Variants in PDS5B observed in about 807,000 individuals in gnomAD.
PDS5B encodes sister chromatid cohesion protein PDS5 homolog B.
PDS5B carries 51 observed loss-of-function variants against 184.1 expected under a neutral mutation model. That is an observed-to-expected ratio of 0.28 (90% CI 0.22 to 0.35). The LOEUF (loss-of-function observed/expected upper bound fraction) is 0.35, where lower values mean the gene tolerates loss of function less well. PDS5B is among the 10% of genes least tolerant of loss of function. The pLI, the probability that PDS5B is intolerant of heterozygous loss-of-function variation, is 1.00. For missense variants in PDS5B, 1,180 were observed against 1,723.3 expected, an observed-to-expected ratio of 0.68 and a Z score of 5.58; for synonymous variants, 566 against 569.2, an observed-to-expected ratio of 0.99 and a Z score of 0.08.
At chr13:32,722,299 C>G (rs1041675163) in intron 19 of PDS5B, among the ~76,000 whole-genome samples, 7 of 152,328 alleles carry the variant, frequency 4.6e-5, no homozygotes, top group African/African-American at 1.7e-4. Flanking sequence ...GAGCCGAGAT[C>G]GCGGCAGTAC....
At chr13:32,722,938 T>G (rs770006235) in intron 19 of PDS5B, among the ~76,000 whole-genome samples, 4 of 152,230 alleles carry the variant, frequency 2.6e-5, no homozygotes, top group Non-Finnish European at 4.4e-5. Flanking sequence ...AACCAGCTCT[T>G]TGCAGATTTA....
intron 31 of PDS5B, among the ~76,000 whole-genome samples, chr13:32,765,235 C>A (rs1954546558): frequency 6.6e-6 from 1 of 152,144 alleles, no homozygotes; most frequent in Non-Finnish European, 1.5e-5. Flanking sequence ...AGCTTCAGAT[C>A]ATTTCCTTAA....
At chr13:32,710,238 GT>G in intron 19 of PDS5B, 132 bp downstream of exon 19, 1 of 547,576 alleles carries the variant, frequency 1.8e-6, no homozygotes, top group Non-Finnish European at 2.9e-6. Flanking sequence ...GTAATGTTCA[GT>G]TTAGATTCTC....
chr13:32,704,747 CT>C (rs1951958621), intron 17 of PDS5B, among the ~76,000 whole-genome samples: 1 of 152,172 alleles, frequency 6.6e-6, no homozygotes, highest in Non-Finnish European at 1.5e-5. Flanking sequence ...TTCCTAAGCA[CT>C]AATTAATTCT....
rs1038364995 is a variant in PDS5B, at chr13:32,699,669, C to T, written c.1601-61C>T. 2 of 887,864 alleles carry T rather than the reference C, an allele frequency of 2.3e-6. 1 individual carries two copies. 55.0% of individuals were successfully genotyped at this position (887,864 alleles called of 1,614,324 possible). On this transcript the variant is annotated intron_variant, in intron 15 of 34. Transcript: ENST00000315596. ...CAATAAAAGGAATGAAAAATATTGA[C>T]CTATTATTATTTTAAGAATTAAAAA...
chr13:32,686,313 C>T lies in PDS5B; in HGVS notation c.1204-821C>T, dbSNP rs542486583. 1.6e-4 allele frequency among the ~76,000 whole-genome samples: 25 copies of T among 152,216 alleles called. No individual in the cohort carries two copies. In the Middle Eastern group the frequency reaches 0.014, roughly 83 times the overall value. Reference sequence around the variant, plus strand: ...CTCAGTCCCAGATGTACAGAATGGACCACTGATAAGTATTTTTACATTCAG... The same window carrying T: ...CTCAGTCCCAGATGTACAGAATGGATCACTGATAAGTATTTTTACATTCAG... On this transcript the variant is annotated intron_variant, in intron 11 of 34. Transcript: ENST00000315596.
At chr13:32,640,147 G>A (rs1363372653) in intron 1 of PDS5B, among the ~76,000 whole-genome samples, 1 of 151,866 alleles carries the variant, frequency 6.6e-6, no homozygotes, top group African/African-American at 2.4e-5. Context: ...CCATTTCATT[G>A]ATTTTTCTTG....
At chr13:32,619,660 C>T (rs2058267740) in intron 1 of PDS5B, among the ~76,000 whole-genome samples, 1 of 152,066 alleles carries the variant, frequency 6.6e-6, no homozygotes, top group African/African-American at 2.4e-5. Flanking sequence ...TTTATGATGT[C>T]ACAAGATGAT....
chr13:32,672,251 G>A (rs1950957031), intron 7 of PDS5B, among the ~76,000 whole-genome samples: 1 of 152,178 alleles, frequency 6.6e-6, no homozygotes, highest in African/African-American at 2.4e-5. Flanking sequence ...TAAGAAGGCT[G>A]TATCTATGGG....
At chr13:32,702,186 CT>C (rs1314840713) in intron 17 of PDS5B, among the ~76,000 whole-genome samples, 1 of 151,952 alleles carries the variant, frequency 6.6e-6, no homozygotes, top group East Asian at 1.9e-4. Context: ...TGCTCAAACC[CT>C]GTTGGAGATG....
chr13:32,658,364 T>G (rs774466786), intron 4 of PDS5B, 39 bp downstream of exon 4: 9 of 1,410,734 alleles, frequency 6.4e-6, no homozygotes, highest in Non-Finnish European at 8.9e-6. Context: ...CATTTTAAAC[T>G]GATTTTTTTG....
At chr13:32,678,548 T>C (rs8002867) in intron 9 of PDS5B, among the ~76,000 whole-genome samples, 311 of 152,340 alleles carry the variant, frequency 2.0e-3, no homozygotes, top group African/African-American at 7.3e-3. Context: ...ATAACGTTGA[T>C]AGGAACTTTT....
intron 1 of PDS5B, among the ~76,000 whole-genome samples, chr13:32,611,903 T>C (rs2058148680): frequency 6.6e-6 from 1 of 152,142 alleles, no homozygotes. Flanking sequence ...CTGTCTCTGC[T>C]TCCCTCTCCA....
At chr13:32,603,789 A>C (rs1052757807) in intron 1 of PDS5B, among the ~76,000 whole-genome samples, 2 of 152,120 alleles carry the variant, frequency 1.3e-5, no homozygotes, top group African/African-American at 4.8e-5. Flanking sequence ...CTCTTTGAAG[A>C]GGTCCTTCTC....
chr13:32,715,482 A>C (rs1952351178), intron 19 of PDS5B, among the ~76,000 whole-genome samples: 1 of 152,212 alleles, frequency 6.6e-6, no homozygotes, highest in African/African-American at 2.4e-5. Context: ...TTTAACTTTT[A>C]GATATGGCTA....
intron 1 of PDS5B, among the ~76,000 whole-genome samples, chr13:32,621,693 C>T (rs544411431): frequency 6.6e-6 from 1 of 152,162 alleles, no homozygotes; most frequent in South Asian, 2.1e-4. Context: ...TAGGAAATAA[C>T]ATCTAAAATA....
intron 13 of PDS5B, among the ~76,000 whole-genome samples, chr13:32,691,777 A>T (rs779471605): frequency 6.6e-6 from 1 of 152,122 alleles, no homozygotes; most frequent in Non-Finnish European, 1.5e-5. Context: ...ACTAGTGTCA[A>T]ATTGTTTTCC....
At chr13:32,734,014 A>ACACACACACG (rs747630506) in intron 20 of PDS5B, among the ~76,000 whole-genome samples, 1 of 151,152 alleles carries the variant, frequency 6.6e-6, no homozygotes, top group Non-Finnish European at 1.5e-5. Context: ...ACACACACAC[A>ACACACACACG]AACATATATT....
intron 9 of PDS5B, among the ~76,000 whole-genome samples, chr13:32,677,792 G>A (rs1406736138): frequency 6.6e-6 from 1 of 152,074 alleles, no homozygotes; most frequent in East Asian, 1.9e-4. Context: ...AGATTTGGGA[G>A]CCTTTAGATT....
Sources: gnomAD v4.1 joint callset for allele counts (sites outside exome capture counted in the v4.1 genomes callset) on GRCh38, gnomAD v4.1.1 for gene constraint, MANE v1.5 for transcripts, NCBI Gene and HGNC (gene_info 2026-07-23, HGNC 2026-07-21) for gene names.